RPL8: variants seen among roughly 807,000 people sequenced by gnomAD.
The protein encoded by RPL8 is ribosomal protein L8.
For missense variants in RPL8, 248 were observed against 365.9 expected, an observed-to-expected ratio of 0.68 and a Z score of 2.63; for synonymous variants, 182 against 143.2, an observed-to-expected ratio of 1.27 and a Z score of -1.94.
rs537117152 is a variant in RPL8, at chr8:144,792,106, C to T, written c.24G>A (p.Gln8=). Residue 8 remains glutamine, a synonymous_variant, in exon 1 of 5, where the codon CAG becomes CAA. Transcript: ENST00000528957. ...GGAACACAGACCCGGCGCCCTTCCT[C>T]TGTCCACGGATCACACGGCCCATGG... MGRVIRG[Q]RKGAGSVFRA... is the part of the protein sequence containing the mutation. 49 of 1,586,510 alleles carry T rather than the reference C, an allele frequency of 3.1e-5. No homozygotes were observed. Among genetic ancestry groups the T allele is most frequent in the Non-Finnish European group, 4.1e-5 (48 of 1,169,960 alleles).
At chr8:144,791,950 C>A in intron 1 of RPL8, 36 bp from the exon 2 acceptor site, 1 of 1,610,038 alleles carries the variant, frequency 6.2e-7, no homozygotes, top group Non-Finnish European at 8.5e-7. Flanking sequence ...GGCGTTCCGG[C>A]CGGGCGTCCC....
In RPL8 at chr8:144,791,874, T is replaced by A; in HGVS notation, c.179A>T (p.Lys60Met). 6.2e-7 allele frequency: 1 copy of A among 1,613,652 alleles called. No homozygotes were observed. The highest frequency in any genetic ancestry group is 8.5e-7 in the Non-Finnish European group (1 of 1,180,026). ...HDPGRGAPLA[K>M]VVFRDPYRFK... ...CCGATACGGATCCCGGAAGACCACC[T>A]TGGCGAGGGGCGCGCCGCGGCCCGG... Residue 60 changes from lysine to methionine, a missense_variant, in exon 2 of 5, where the codon AAG becomes ATG. Coordinates refer to ENST00000528957, the MANE Select transcript of RPL8 (RefSeq NM_001317782.2).
intron 2 of RPL8, 41 bp downstream of exon 2, chr8:144,791,732 C>G (rs199724902): frequency 3.1e-6 from 5 of 1,611,786 alleles, no homozygotes; most frequent in Non-Finnish European, 4.2e-6. Flanking sequence ...ACACCCAGAC[C>G]CCTCCCCACC....
rs372587218 is a variant in RPL8, at chr8:144,792,390, G to A, written c.-261C>T. 2.6e-4 allele frequency: 173 copies of A among 667,618 alleles called. No individual in the cohort carries two copies. Among genetic ancestry groups the A allele is most frequent in the African/African-American group, 7.2e-4 (38 of 52,960 alleles). 41.4% of individuals were successfully genotyped at this position (667,618 alleles called of 1,614,324 possible). A position where few individuals can be genotyped will look rare whatever the true frequency, so the allele number is the denominator to read the frequency against. ...CCTGTTCACCAGCGCGGCCGAAAGA[G>A]GAAACACGGCGTCAGCGAGCGGCCT... is the stretch of plus-strand genomic sequence containing the variant. On this transcript the variant is annotated 5_prime_UTR_variant, in exon 1 of 5. Transcript: ENST00000528957.
Position 144,792,079 on chromosome 8 carries a change from G to C in RPL8, c.51C>G (p.Arg17=). The C allele has an allele frequency of 6.2e-7, 1 of 1,604,416 alleles. No homozygotes were observed. The highest frequency in any genetic ancestry group is 8.5e-7 in the Non-Finnish European group (1 of 1,177,132). ...GQRKGAGSVF[R]AHVKHRKGAA... The stretch of plus-strand genomic sequence containing the variant: ...CGCCTTTACGGTGCTTCACGTGCGC[G>C]CGGAACACAGACCCGGCGCCCTTCC... The change falls in exon 1 of 5, where the codon CGC becomes CGG. Residue 17 remains arginine (R), a synonymous_variant. Transcript: ENST00000528957.
Position 144,792,231 on chromosome 8 carries a change from C to A in RPL8, c.-102G>T. Reference sequence around the variant, plus strand: ...GACCCCGCCCCCGAGGCCGCCGCGCCCACCACTCCCTACCCTCTCCGCGGG... The same window carrying A: ...GACCCCGCCCCCGAGGCCGCCGCGCACACCACTCCCTACCCTCTCCGCGGG... On this transcript the variant is annotated 5_prime_UTR_variant, in exon 1 of 5. Transcript: ENST00000528957. The A allele has an allele frequency of 7.2e-7, 1 of 1,383,944 alleles. No homozygotes were observed. The highest frequency in any genetic ancestry group is 9.3e-7 in the Non-Finnish European group (1 of 1,073,328). 85.7% of individuals were successfully genotyped at this position (1,383,944 alleles called of 1,614,324 possible).
chr8:144,790,184 C>T (rs1458042701), intron 4 of RPL8, among the ~76,000 whole-genome samples, 171 bp downstream of exon 4: 1 of 152,156 alleles, frequency 6.6e-6, no homozygotes, highest in East Asian at 1.9e-4. Context: ...AGCCCACCTC[C>T]TTCAGGAGTG....
At chr8:144,791,086 G>A in intron 3 of RPL8, 191 bp downstream of exon 3, 1 of 611,398 alleles carries the variant, frequency 1.6e-6, no homozygotes, top group Non-Finnish European at 2.9e-6. Flanking sequence ...CAGCAGTAAA[G>A]CAGGTACTGT....
rs760658134 is a variant in RPL8 at position 144,791,778 on chromosome 8, T to C, written c.275A>G (p.Lys92Arg). 4 of 1,613,704 alleles carry C rather than the reference T, an allele frequency of 2.5e-6. No individual in the cohort carries two copies. The South Asian group carries it at 4.4e-5, about 18-fold the overall frequency. The change falls in exon 2 of 5, where the codon AAG becomes AGG. Residue 92 changes from lysine to arginine, a missense_variant. Transcript: ENST00000528957. The stretch of plus-strand genomic sequence containing the variant: ...TTCCCCGCCGCGATGCTAACCCTTC[T>C]TGCCGCAATACACAAACTGGCCCGT... ...IHTGQFVYCG[K>R]KAQLNIGNVL...
At chr8:144,790,217 G>C (rs548582299) in intron 4 of RPL8, 138 bp downstream of exon 4, 3 of 789,970 alleles carry the variant, frequency 3.8e-6, no homozygotes, top group African/African-American at 3.4e-5. Context: ...CAACAGTCCC[G>C]TGACTACAAA....
In RPL8 at chr8:144,792,020, C is replaced by T; in HGVS notation, c.110G>A (p.Arg37Gln). The change falls in exon 1 of 5, where the codon CGG (arginine) becomes CAG (glutamine). Residue 37 changes from arginine to glutamine, a missense_variant. By Grantham distance (43) the Arg-to-Gln change is conservative. Coordinates refer to ENST00000528957, the MANE Select transcript of RPL8 (RefSeq NM_001317782.2). ...GACGATGCCCTTGATGTAGCCGTGC[C>T]GCTCAGCGAAATCCACGGCGCGCAG... ...ARLRAVDFAE[R>Q]HGYIKGIVKD... 1.2e-6 allele frequency: 2 copies of T among 1,609,016 alleles called. No homozygotes were observed. Among genetic ancestry groups the T allele is most frequent in the Non-Finnish European group, 1.7e-6 (2 of 1,178,076 alleles).
Position 144,792,356 on chromosome 8 carries a change from G to A in RPL8, c.-227C>T, listed in dbSNP as rs1315277556. 8 of 706,288 alleles carry A rather than the reference G, an allele frequency of 1.1e-5. No homozygotes were observed. The highest frequency in any genetic ancestry group is 4.0e-5 in the South Asian group (1 of 25,148). The allele number at this position is 706,288 out of a possible 1,614,324, so 43.8% of individuals were successfully genotyped here. Reference sequence around the variant, plus strand: ...ACTGCCCATGCCGCAAGGCCGCAAGGATGACCTACCTGTTCACCAGCGCGG... The same window carrying A: ...ACTGCCCATGCCGCAAGGCCGCAAGAATGACCTACCTGTTCACCAGCGCGG... On this transcript the variant is annotated 5_prime_UTR_variant, in exon 1 of 5. Transcript: ENST00000528957.
chr8:144,790,861 C>T (rs904956836), intron 3 of RPL8: 4 of 521,542 alleles, frequency 7.7e-6, no homozygotes, highest in Admixed American at 6.9e-5. Context: ...GAGTTCATCA[C>T]AAGGATTCCA....
rs1826525574 is a variant in RPL8 at position 144,791,697 on chromosome 8, G to T, written c.280+76C>A. 3.7e-6 allele frequency: 6 copies of T among 1,600,102 alleles called. No individual in the cohort carries two copies. In the Admixed American group the frequency reaches 5.0e-5, roughly 13 times the overall value. On this transcript the variant is annotated intron_variant, in intron 2 of 4. Coordinates refer to ENST00000528957, the MANE Select transcript of RPL8 (RefSeq NM_001317782.2). ...TTCTGCCTGCGAGGTTCCCATATCG[G>T]CTTAGGACGTTAACTCCTCAGGCAA...
Position 144,792,076 on chromosome 8 carries a change from C to T in RPL8, c.54G>A (p.Ala18=), listed in dbSNP as rs1173728899. 1.2e-6 allele frequency: 2 copies of T among 1,605,340 alleles called. No individual in the cohort carries two copies. The highest frequency in any genetic ancestry group is 1.1e-5 in the South Asian group (1 of 90,696). ...CAGCGCCTTTACGGTGCTTCACGTG[C>T]GCGCGGAACACAGACCCGGCGCCCT... ...QRKGAGSVFR[A]HVKHRKGAAR... is the part of the protein sequence containing the mutation. The change falls in exon 1 of 5, where the codon GCG becomes GCA. Residue 18 remains alanine, a synonymous_variant. Coordinates refer to ENST00000528957, the MANE Select transcript of RPL8 (RefSeq NM_001317782.2).
At chr8:144,791,250 A>C in intron 3 of RPL8, 27 bp downstream of exon 3, 1 of 1,606,184 alleles carries the variant, frequency 6.2e-7, no homozygotes, top group Middle Eastern at 2.3e-4. Flanking sequence ...CACAGCCCTC[A>C]GCATTCAACT....
chr8:144,790,442 G>A lies in RPL8; in HGVS notation c.528C>T (p.Asp176=), dbSNP rs377332876. ...CCCGGCCAGCCTTCAAGATGGGTTT[G>A]TCAATTCGGCCACCTCCAGCCACCA... ...VGVVAGGGRI[D]KPILKAGRAY... The change falls in exon 4 of 5, where the codon GAC becomes GAT. Residue 176 remains aspartate (D), a synonymous_variant. Transcript: ENST00000528957. 7 of 1,613,876 alleles carry A rather than the reference G, an allele frequency of 4.3e-6. No individual in the cohort carries two copies. The highest frequency in any genetic ancestry group is 2.2e-5 in the East Asian group (1 of 44,886).
In RPL8 at chr8:144,792,246, C is replaced by G. The variant is rs1223344343; in HGVS notation, c.-117G>C. 5 of 1,341,726 alleles carry G rather than the reference C, an allele frequency of 3.7e-6. No homozygotes were observed. The African/African-American group carries it at 4.6e-5, about 12-fold the overall frequency. 83.1% of individuals were successfully genotyped at this position (1,341,726 alleles called of 1,614,324 possible). ...GCCGCCGCGCCCACCACTCCCTACC[C>G]TCTCCGCGGGCGCCCGCACCGGCAT... On this transcript the variant is annotated 5_prime_UTR_variant, in exon 1 of 5. Transcript: ENST00000528957.
chr8:144,790,539 T>C, intron 3 of RPL8, 69 bp from the exon 4 acceptor site: 2 of 1,164,598 alleles, frequency 1.7e-6, no homozygotes, highest in African/African-American at 1.5e-5. Context: ...CTCAATCTCC[T>C]GTCATGCACC....
Sources: gnomAD v4.1 joint callset for allele counts (sites outside exome capture counted in the v4.1 genomes callset) on GRCh38, gnomAD v4.1.1 for gene constraint, MANE v1.5 for transcripts, NCBI Gene and HGNC (gene_info 2026-07-23, HGNC 2026-07-21) for gene names.